Variants in TBL1X observed in about 807,000 individuals in gnomAD.
TBL1X encodes F-box-like/WD repeat-containing protein TBL1X.
Under a neutral mutation model 50.7 loss-of-function variants are expected in TBL1X, and 10 were observed. That is an observed-to-expected ratio of 0.20 (90% CI 0.12 to 0.33). The LOEUF (loss-of-function observed/expected upper bound fraction) is 0.33, where lower values mean the gene tolerates loss of function less well. Ranked by LOEUF, TBL1X falls within the 10% of genes least tolerant of loss-of-function variation. The pLI is 1.00. For synonymous variants in TBL1X, 190 were observed against 214.7 expected (o/e 0.88, Z 1.01); for missense variants, 340 against 504.4 (o/e 0.67, Z 3.12).
intron 5 of TBL1X, among the ~76,000 whole-genome samples, chrX:9,683,561 C>G (rs1233551066): frequency 9.0e-6 from 1 of 111,564 alleles, no homozygotes; most frequent in East Asian, 2.8e-4. Flanking sequence ...GCCAGGAGGA[C>G]TCAGGGTCAG....
chrX:9,638,336 G>A (rs2082758628), intron 2 of TBL1X, among the ~76,000 whole-genome samples: 1 of 112,276 alleles, frequency 8.9e-6, no homozygotes, highest in African/African-American at 3.2e-5. Flanking sequence ...AAACTTTCTT[G>A]CCAGGGCTGT....
At position 9,684,027 on chromosome X, in the gene TBL1X, TC is replaced by T. The variant is rs1316196981; in HGVS notation, c.212-12del. 8.3e-7 allele frequency: 1 copy of T among 1,209,667 alleles called. No individual in the cohort carries two copies. Among genetic ancestry groups the T allele is most frequent in the African/African-American group, 1.8e-5 (1 of 57,011 alleles). ...TTCGGGTCTCACTCAACCTCAGCTT[TC>T]CCCTCTTGCCACAGGTTTTTCCCAC... On this transcript the variant is annotated splice_polypyrimidine_tract_variant and intron_variant, in intron 5 of 17. Coordinates refer to ENST00000645353, the MANE Select transcript of TBL1X (RefSeq NM_005647.4).
At position 9,581,222 on chromosome X, in the gene TBL1X, C is replaced by G. The variant is rs142825463; in HGVS notation, c.-130-59051C>G. On this transcript the variant is annotated intron_variant, in intron 2 of 17. Transcript: ENST00000645353. The stretch of plus-strand genomic sequence containing the variant: ...CGTGCAGCCCGATGCTGTCACTGTT[C>G]ATAAACAATTGTATTTTGCCTTCCT... 8.4e-3 allele frequency among the ~76,000 whole-genome samples: 945 copies of G among 112,305 alleles called. 9 individuals are homozygous for G. Among genetic ancestry groups the G allele is most frequent in the African/African-American group, 0.029 (902 of 30,943 alleles).
At chrX:9,598,914 T>TTTTTGTTTTG (rs1555898906) in intron 2 of TBL1X, among the ~76,000 whole-genome samples, 1 of 98,340 alleles carries the variant, frequency 1.0e-5, no homozygotes, top group African/African-American at 3.9e-5. Flanking sequence ...CTACCTTTTT[T>TTTTTGTTTTG]TTTTGTTTTG....
chrX:9,551,561 C>G (rs2082271160), intron 2 of TBL1X, among the ~76,000 whole-genome samples: 1 of 111,097 alleles, frequency 9.0e-6, no homozygotes, highest in African/African-American at 3.3e-5. Flanking sequence ...GTTGCAAGGT[C>G]CCCCTCAGCT....
At chrX:9,532,369 C>A (rs1345039641) in intron 2 of TBL1X, among the ~76,000 whole-genome samples, 2 of 111,777 alleles carry the variant, frequency 1.8e-5, no homozygotes, top group Admixed American at 1.9e-4. Context: ...CATTTTTACC[C>A]TAGAGGAATT....
At chrX:9,706,803 G>T (rs936984084) in intron 13 of TBL1X, among the ~76,000 whole-genome samples, 1 of 111,077 alleles carries the variant, frequency 9.0e-6, no homozygotes, top group Non-Finnish European at 1.9e-5. Flanking sequence ...CTAAAGACAC[G>T]TGCAGCCAAG....
chrX:9,504,713 A>G lies in TBL1X; in HGVS notation c.-131+2864A>G, dbSNP rs967494851. On this transcript the variant is annotated intron_variant, in intron 2 of 17. Transcript: ENST00000645353. ...CAGCTGAATCGACCAAGTAGGAGAAAGGATATCAGAGTTTGAAGACCACCT... is the reference window on the plus strand; with the variant it reads ...CAGCTGAATCGACCAAGTAGGAGAAGGGATATCAGAGTTTGAAGACCACCT... Among the ~76,000 whole-genome samples, 7 of 112,078 alleles carry G rather than the reference A, an allele frequency of 6.2e-5. No homozygotes were observed. In the Admixed American group the frequency reaches 6.7e-4, roughly 11 times the overall value.
At chrX:9,713,563 G>T (rs1298047900) in intron 16 of TBL1X, among the ~76,000 whole-genome samples, 1 of 107,552 alleles carries the variant, frequency 9.3e-6, no homozygotes, top group Non-Finnish European at 1.9e-5. Flanking sequence ...GAGTAGCTGG[G>T]ATTACAGGTG....
intron 2 of TBL1X, among the ~76,000 whole-genome samples, chrX:9,577,996 T>C (rs1254038136): frequency 8.9e-6 from 1 of 112,369 alleles, no homozygotes; most frequent in Non-Finnish European, 1.9e-5. Context: ...TCTTTGCCTC[T>C]GCAGTTTTCT....
intron 3 of TBL1X, among the ~76,000 whole-genome samples, chrX:9,652,490 A>G (rs1159499828): frequency 1.8e-5 from 2 of 112,535 alleles, no homozygotes; most frequent in Non-Finnish European, 3.8e-5. Context: ...CAACAATGAA[A>G]GTTTTGCTGC....
intron 5 of TBL1X, among the ~76,000 whole-genome samples, chrX:9,663,449 A>G (rs2082910029): frequency 9.0e-6 from 1 of 111,656 alleles, no homozygotes; most frequent in Non-Finnish European, 1.9e-5. Context: ...GCCGAGTAGA[A>G]CAGGCCACGT....
At chrX:9,469,788 G>A (rs1048642799) in intron 1 of TBL1X, among the ~76,000 whole-genome samples, 116 of 110,594 alleles carry the variant, frequency 1.0e-3, no homozygotes, top group African/African-American at 3.5e-3. Flanking sequence ...CCCCAGCCCC[G>A]AATCTGGGGC....
chrX:9,574,898 C>T (rs906104284), intron 2 of TBL1X, among the ~76,000 whole-genome samples: 6 of 112,125 alleles, frequency 5.4e-5, no homozygotes, highest in African/African-American at 1.3e-4. Context: ...AGACTCCCTC[C>T]GAGGGTGTTT....
chrX:9,532,776 C>T (rs1404544328), intron 2 of TBL1X, among the ~76,000 whole-genome samples: 3 of 111,306 alleles, frequency 2.7e-5, no homozygotes, highest in Non-Finnish European at 5.7e-5. Context: ...ATCTCTAGTC[C>T]TGTTGGATTA....
intron 13 of TBL1X, among the ~76,000 whole-genome samples, chrX:9,707,335 C>T (rs1378749402): frequency 8.9e-6 from 1 of 112,257 alleles, no homozygotes; most frequent in Non-Finnish European, 1.9e-5. Flanking sequence ...TGACTCTCTT[C>T]TCCCGGTCTA....
Position 9,709,720 on chromosome X carries a change from C to T in TBL1X, c.1399C>T (p.Pro467Ser), listed in dbSNP as rs989694912. Residue 467 changes from proline to serine, a missense_variant, in exon 15 of 18, where the codon CCC (proline) becomes TCC (serine). By Grantham distance (74) the Pro-to-Ser change is moderately conservative. Coordinates refer to ENST00000645353, the MANE Select transcript of TBL1X (RefSeq NM_005647.4). ...IYTIKWSPTGPATSNPNSNIM... is the reference protein window; with the variant it reads ...IYTIKWSPTGSATSNPNSNIM... ...CACCATCAAGTGGAGCCCCACTGGGCCCGCCACCAGCAACCCAAACTCCAA... is the reference window on the plus strand; with the variant it reads ...CACCATCAAGTGGAGCCCCACTGGGTCCGCCACCAGCAACCCAAACTCCAA... 5 of 1,209,438 alleles carry T rather than the reference C, an allele frequency of 4.1e-6. No homozygotes were observed. The highest frequency in any genetic ancestry group is 5.6e-6 in the Non-Finnish European group (5 of 894,235).
chrX:9,587,487 A>G (rs1326381268), intron 2 of TBL1X, among the ~76,000 whole-genome samples: 1 of 111,946 alleles, frequency 8.9e-6, no homozygotes, highest in Admixed American at 9.4e-5. Flanking sequence ...TGATAAGGAC[A>G]TCAGTTTCCA....
chrX:9,702,001 G>A (rs967249176), intron 12 of TBL1X, among the ~76,000 whole-genome samples: 27 of 111,721 alleles, frequency 2.4e-4, no homozygotes, highest in Admixed American at 1.9e-4. Context: ...ATGGGGAAGC[G>A]AATGGGGTCC....
Sources: gnomAD v4.1 joint callset for allele counts (sites outside exome capture counted in the v4.1 genomes callset) on GRCh38, gnomAD v4.1.1 for gene constraint, MANE v1.5 for transcripts, NCBI Gene and HGNC (gene_info 2026-07-23, HGNC 2026-07-21) for gene names.